Variants in NLRP14 observed in about 807,000 individuals in gnomAD.
The protein encoded by NLRP14 is NACHT, LRR and PYD domains-containing protein 14.
In NLRP14, 105 loss-of-function variants were observed where a neutral mutation model predicts 94.7. That is an observed-to-expected ratio of 1.11 (90% CI 0.95 to 1.30). The LOEUF (loss-of-function observed/expected upper bound fraction) is 1.30, where lower values mean the gene tolerates loss of function less well. Ranked by LOEUF, NLRP14 falls within the 50% of genes most tolerant of loss-of-function variation. The pLI, the probability that NLRP14 is intolerant of heterozygous loss-of-function variation, is 0.00. For missense variants in NLRP14, 1,362 were observed against 1,254.1 expected (o/e 1.09, Z -1.30); for synonymous variants, 508 against 459.9 (o/e 1.10, Z -1.34).
chr11:7,089,602 C>G, the NLRP14 span: 24 of 1,195,554 alleles, frequency 2.0e-5, no homozygotes, highest in Non-Finnish European at 2.5e-5. Flanking sequence ...GGCCCACCCC[C>G]CAAGAGGGCC....
rs1852201162 is a variant in NLRP14 at position 7,038,801 on chromosome 11, G to C, written c.215G>C (p.Trp72Ser). The stretch of plus-strand genomic sequence containing the variant: ...AAATATTATCCAGGAGAGAAAGCCT[G>C]GAGTGTGTCTCTCAAAATCTTTGGC... ...MKKYYPGEKA[W>S]SVSLKIFGKM... Residue 72 changes from tryptophan to serine, a missense_variant, in exon 2 of 12, where the codon TGG becomes TCG. Trp to Ser is a radical substitution (Grantham distance 177, BLOSUM62 -3). Transcript: ENST00000299481. 1 of 1,613,126 alleles carries C rather than the reference G, an allele frequency of 6.2e-7. No individual in the cohort carries two copies. Among genetic ancestry groups the C allele is most frequent in the African/African-American group, 1.3e-5 (1 of 74,998 alleles).
chr11:7,038,719 A>G lies in NLRP14; in HGVS notation c.133A>G (p.Thr45Ala). Reference sequence around the variant, plus strand: ...GACCATGGAACCTGAGCATGGCCTGACACCCTGGAATGAAGTGAAGAAGGC... The same window carrying G: ...GACCATGGAACCTGAGCATGGCCTGGCACCCTGGAATGAAGTGAAGAAGGC... ...KETMEPEHGLTPWNEVKKARR... is the reference protein window; with the variant it reads ...KETMEPEHGLAPWNEVKKARR... Residue 45 changes from threonine (T) to alanine (A), a missense_variant, in exon 2 of 12, where the codon ACA becomes GCA. Thr to Ala is a moderately conservative substitution (Grantham distance 58, BLOSUM62 0). Coordinates refer to ENST00000299481, the MANE Select transcript of NLRP14 (RefSeq NM_176822.4). The G allele has an allele frequency of 6.2e-7, 1 of 1,614,064 alleles. No individual in the cohort carries two copies. Among genetic ancestry groups the G allele is most frequent in the Non-Finnish European group, 8.5e-7 (1 of 1,179,956 alleles).
chr11:7,054,366 T>C (rs1852489149), intron 6 of NLRP14, among the ~76,000 whole-genome samples: 1 of 152,146 alleles, frequency 6.6e-6, no homozygotes, highest in Non-Finnish European at 1.5e-5. Context: ...AGTTTTGGTT[T>C]TTTTGAGGAA....
At chr11:7,071,828 A>G (rs1852804854), downstream of NLRP14, among the ~76,000 whole-genome samples, 1 of 151,974 alleles carries the variant, frequency 6.6e-6, no homozygotes, top group Non-Finnish European at 1.5e-5. Context: ...AGCAACCAGC[A>G]TTTTTGAGAA....
chr11:7,023,935 A>T (rs1224423832), intron 1 of NLRP14, among the ~76,000 whole-genome samples: 1 of 152,092 alleles, frequency 6.6e-6, no homozygotes, highest in African/African-American at 2.4e-5. Flanking sequence ...CACCCCCATT[A>T]CCCAAATACC....
chr11:7,089,406 C>T, the NLRP14 span: 93 of 1,584,830 alleles, frequency 5.9e-5, no homozygotes, highest in Non-Finnish European at 3.5e-5. Context: ...CCGGCGGGGC[C>T]CGCCGCCTCC....
intron 1 of NLRP14, among the ~76,000 whole-genome samples, chr11:7,023,424 C>T (rs1851971844): frequency 6.9e-6 from 1 of 145,066 alleles, no homozygotes; most frequent in East Asian, 2.0e-4. Context: ...TATATAAAAA[C>T]ATTTGTACTA....
intron 4 of NLRP14, among the ~76,000 whole-genome samples, chr11:7,044,543 A>G (rs554988891): frequency 6.6e-6 from 1 of 152,308 alleles, no homozygotes; most frequent in Non-Finnish European, 1.5e-5. Flanking sequence ...ATCTGGAGAC[A>G]CTGGAGGTTA....
At chr11:7,030,260 C>G (rs1852071734) in intron 1 of NLRP14, among the ~76,000 whole-genome samples, 1 of 152,220 alleles carries the variant, frequency 6.6e-6, no homozygotes. Flanking sequence ...TAGAGCAGTT[C>G]TAGTCATGTA....
intron 6 of NLRP14, among the ~76,000 whole-genome samples, chr11:7,053,855 T>C (rs1852479263): frequency 6.6e-6 from 1 of 152,186 alleles, no homozygotes; most frequent in African/African-American, 2.4e-5. Flanking sequence ...TTTTTTACGT[T>C]AGTCACCCTG....
rs1219997109 is a variant in NLRP14, at chr11:7,060,025, A to T, written c.2765A>T (p.Asp922Val). Residue 922 changes from aspartate to valine, a missense_variant, in exon 9 of 12, where the codon GAT becomes GTT. Coordinates refer to ENST00000299481, the MANE Select transcript of NLRP14 (RefSeq NM_176822.4). ...GACAATGGAGTGAAGCTTCTGTGTG[A>T]TGTCTTTCGGCATCCAAGCTGTAAT... is the stretch of plus-strand genomic sequence containing the variant. Reference protein sequence around the residue: ...LQDNGVKLLCDVFRHPSCNLQ... With the variant: ...LQDNGVKLLCVVFRHPSCNLQ... 1 of 1,612,708 alleles carries T rather than the reference A, an allele frequency of 6.2e-7. No homozygotes were observed. The highest frequency in any genetic ancestry group is 8.5e-7 in the Non-Finnish European group (1 of 1,178,976).
At chr11:7,046,631 C>G in intron 4 of NLRP14, 37 bp from the exon 5 acceptor site, 1 of 1,588,536 alleles carries the variant, frequency 6.3e-7, no homozygotes, top group Non-Finnish European at 8.6e-7. Flanking sequence ...GAAATAAAAT[C>G]AGCATTGTTT....
chr11:7,038,522 C>G, intron 1 of NLRP14, 44 bp from the exon 2 acceptor site: 2 of 1,427,974 alleles, frequency 1.4e-6, no homozygotes, highest in Non-Finnish European at 2.0e-6. Flanking sequence ...TTCATGTGTC[C>G]CATTTATTCC....
At chr11:7,040,306 A>G (rs2119605874) in intron 3 of NLRP14, among the ~76,000 whole-genome samples, 1 of 152,230 alleles carries the variant, frequency 6.6e-6, no homozygotes, top group East Asian at 1.9e-4. Context: ...AGGCCACGGG[A>G]GCTTTACCAC....
At chr11:7,084,843 G>T in the NLRP14 span, among the ~76,000 whole-genome samples, 1 of 152,156 alleles carries the variant, frequency 6.6e-6, no homozygotes, top group Admixed American at 6.5e-5. Context: ...TAGGTCATCT[G>T]GGGATCCACT....
intron 9 of NLRP14, 26 bp downstream of exon 9, chr11:7,060,090 G>GT (rs1852593713): frequency 1.2e-6 from 2 of 1,602,362 alleles, no homozygotes; most frequent in Non-Finnish European, 1.7e-6. Context: ...CTTTACTTTT[G>GT]TGTAGTTTCA....
At chr11:7,035,730 C>G (rs1266981603) in intron 1 of NLRP14, among the ~76,000 whole-genome samples, 1 of 152,170 alleles carries the variant, frequency 6.6e-6, no homozygotes, top group Non-Finnish European at 1.5e-5. Flanking sequence ...ATTCCCTTCT[C>G]CCTTTGTGTC....
chr11:7,031,242 C>T (rs994920173), intron 1 of NLRP14, among the ~76,000 whole-genome samples: 5 of 152,214 alleles, frequency 3.3e-5, no homozygotes, highest in African/African-American at 9.6e-5. Context: ...AATGACTCTC[C>T]TCTTCTCTGG....
At chr11:7,059,000 C>T (rs1010923651) in intron 8 of NLRP14, among the ~76,000 whole-genome samples, 2 of 152,026 alleles carry the variant, frequency 1.3e-5, no homozygotes, top group East Asian at 1.9e-4. Context: ...GGGACCTGCA[C>T]TTTAACACCC....
Sources: gnomAD v4.1 joint callset for allele counts (sites outside exome capture counted in the v4.1 genomes callset) on GRCh38, gnomAD v4.1.1 for gene constraint, MANE v1.5 for transcripts, NCBI Gene and HGNC (gene_info 2026-07-23, HGNC 2026-07-21) for gene names.